GRID2: variants seen among roughly 807,000 people sequenced by gnomAD.
GRID2 encodes the protein glutamate ionotropic receptor delta type subunit 2, also known as glutamate receptor ionotropic, delta-2.
GRID2 carries 33 observed loss-of-function variants against 114.8 expected under a neutral mutation model. That is an observed-to-expected ratio of 0.29 (90% CI 0.22 to 0.38). The LOEUF (loss-of-function observed/expected upper bound fraction) is 0.38. Ranked by LOEUF, GRID2 falls within the 10% of genes least tolerant of loss-of-function variation. The pLI, the probability that GRID2 is intolerant of heterozygous loss-of-function variation, is 1.00. For synonymous variants in GRID2, 505 were observed against 449.9 expected, an observed-to-expected ratio of 1.12 and a Z score of -1.55; for missense variants, 1,184 against 1,257.7, an observed-to-expected ratio of 0.94 and a Z score of 0.89.
At chr4:92,766,928 C>G (rs1338495158) in intron 2 of GRID2, among the ~76,000 whole-genome samples, 2 of 152,124 alleles carry the variant, frequency 1.3e-5, no homozygotes, top group East Asian at 1.9e-4. Flanking sequence ...AGAAGGGAAC[C>G]CAGGTGATTT....
At chr4:92,768,331 A>G (rs1430551360) in intron 2 of GRID2, among the ~76,000 whole-genome samples, 1 of 152,138 alleles carries the variant, frequency 6.6e-6, no homozygotes, top group Non-Finnish European at 1.5e-5. Flanking sequence ...TTACTTTTCA[A>G]AGTTGCCATC....
intron 4 of GRID2, among the ~76,000 whole-genome samples, chr4:93,115,402 G>GACACACACACACACACACGCACAC (rs1733147210): frequency 6.9e-6 from 1 of 144,474 alleles, no homozygotes; most frequent in African/African-American, 2.6e-5. Context: ...AGTATATACA[G>GACACACACACACACACACGCACAC]ACACACACAC....
At chr4:93,030,649 T>G (rs1724327045) in intron 2 of GRID2, among the ~76,000 whole-genome samples, 1 of 151,914 alleles carries the variant, frequency 6.6e-6, no homozygotes, top group Admixed American at 6.6e-5. Flanking sequence ...CCTCCCAAAG[T>G]GCGGGGATTA....
At chr4:92,880,783 G>A (rs1745946596) in intron 2 of GRID2, among the ~76,000 whole-genome samples, 2 of 151,896 alleles carry the variant, frequency 1.3e-5, no homozygotes, top group African/African-American at 2.4e-5. Context: ...GTGCAATGAC[G>A]CTATCTTGGC....
Position 93,609,253 on chromosome 4 carries a change from G to T in GRID2, c.2194-17016G>T, listed in dbSNP as rs1365626559. Among the ~76,000 whole-genome samples the T allele has an allele frequency of 2.2e-4, 18 of 80,950 alleles. 3 individuals are homozygous for T. The highest frequency in any genetic ancestry group is 7.1e-4 in the South Asian group (2 of 2,828). 53.1% of individuals were successfully genotyped at this position (80,950 alleles called of 152,430 possible). A position where few individuals can be genotyped will look rare whatever the true frequency, so the allele number is the denominator to read the frequency against. ...GTAGGTTGCAAAAATTTTCTCCCAT[G>T]TTGTAGGTTGCCTGTTCACTCTGAT... On this transcript the variant is annotated intron_variant, in intron 13 of 15. Coordinates refer to ENST00000282020, the MANE Select transcript of GRID2 (RefSeq NM_001510.4).
At chr4:93,794,555 C>G (rs895367465) in intron 1 of GRID2, among the ~76,000 whole-genome samples, 1 of 152,028 alleles carries the variant, frequency 6.6e-6, no homozygotes, top group South Asian at 2.1e-4. Context: ...TATTTATGCC[C>G]GAGGATGGGG....
intron 11 of GRID2, among the ~76,000 whole-genome samples, chr4:93,476,335 A>G (rs1445870836): frequency 1.3e-5 from 2 of 152,168 alleles, no homozygotes; most frequent in Non-Finnish European, 2.9e-5. Context: ...GGGATGATAT[A>G]TAAATTGTCT....
chr4:93,664,474 G>T (rs994204482), intron 14 of GRID2, among the ~76,000 whole-genome samples: 1 of 152,220 alleles, frequency 6.6e-6, no homozygotes, highest in South Asian at 2.1e-4. Flanking sequence ...GCAATGTGAA[G>T]TATGTGAAGT....
At chr4:92,945,674 ATGATTACT>A (rs1751570784) in intron 2 of GRID2, among the ~76,000 whole-genome samples, 1 of 152,178 alleles carries the variant, frequency 6.6e-6, no homozygotes, top group Non-Finnish European at 1.5e-5. Flanking sequence ...TTTTTCCCAA[ATGATTACT>A]TGAAAAATAA....
intron 1 of GRID2, among the ~76,000 whole-genome samples, chr4:92,362,034 A>G (rs1728642310): frequency 6.6e-6 from 1 of 152,030 alleles, no homozygotes; most frequent in Non-Finnish European, 1.5e-5. Context: ...CCAGATGGAA[A>G]AATATGAGGT....
At chr4:93,627,026 A>G (rs980191103) in intron 14 of GRID2, among the ~76,000 whole-genome samples, 2 of 152,200 alleles carry the variant, frequency 1.3e-5, no homozygotes, top group African/African-American at 4.8e-5. Flanking sequence ...ATGATGAAGG[A>G]GTTGTTTACA....
chr4:93,741,683 C>T (rs986483391), intron 14 of GRID2, among the ~76,000 whole-genome samples: 3 of 152,106 alleles, frequency 2.0e-5, no homozygotes, highest in Non-Finnish European at 4.4e-5. Context: ...ATCCCAACAA[C>T]TTGGGAGGCC....
At chr4:92,611,090 ATATG>A (rs778865813) in intron 2 of GRID2, among the ~76,000 whole-genome samples, 1 of 136,010 alleles carries the variant, frequency 7.4e-6, no homozygotes, top group Non-Finnish European at 1.7e-5. Context: ...GTGTGTATAT[ATATG>A]TGTGTGTGTA....
At chr4:93,316,339 AGAAGGAAG>A (rs1553907447) in intron 8 of GRID2, among the ~76,000 whole-genome samples, 1 of 54,960 alleles carries the variant, frequency 1.8e-5, no homozygotes, top group African/African-American at 6.0e-5. Context: ...AAAGAAAGAA[AGAAGGAAG>A]GAAGGAAGGA....
At chr4:92,483,468 T>C (rs1157691031) in intron 1 of GRID2, among the ~76,000 whole-genome samples, 1 of 152,182 alleles carries the variant, frequency 6.6e-6, no homozygotes, top group Non-Finnish European at 1.5e-5. Context: ...TGATGTCATG[T>C]TTTATCAGTT....
intron 2 of GRID2, among the ~76,000 whole-genome samples, chr4:92,802,484 T>C (rs558111538): frequency 6.6e-6 from 1 of 151,998 alleles, no homozygotes; most frequent in East Asian, 1.9e-4. Flanking sequence ...TTGCTAGTTG[T>C]ACTTTTTGCA....
intron 1 of GRID2, among the ~76,000 whole-genome samples, chr4:92,532,452 A>T (rs1393141303): frequency 5.3e-5 from 8 of 152,194 alleles, no homozygotes; most frequent in Admixed American, 5.2e-4. Flanking sequence ...ACAACACAAC[A>T]TATATAATCA....
At chr4:93,634,348 G>A (rs1721221274) in intron 14 of GRID2, among the ~76,000 whole-genome samples, 1 of 152,106 alleles carries the variant, frequency 6.6e-6, no homozygotes, top group African/African-American at 2.4e-5. Flanking sequence ...TTGAAAGGAT[G>A]ATGAGAAGGA....
chr4:93,224,776 G>T lies in GRID2; in HGVS notation c.1125+1G>T. The stretch of plus-strand genomic sequence containing the variant: ...CTCCATGTTGGAGACCATCAAGAAG[G>T]TAACTTCTTAATTTTCATGTAAAAA... On this transcript the variant is annotated splice_donor_variant, in intron 7 of 15. Coordinates refer to ENST00000282020, the MANE Select transcript of GRID2 (RefSeq NM_001510.4). LOFTEE classifies it high-confidence loss of function. The T allele has an allele frequency of 6.3e-7, 1 of 1,594,630 alleles. No individual in the cohort carries two copies. The highest frequency in any genetic ancestry group is 8.6e-7 in the Non-Finnish European group (1 of 1,166,116).
Sources: gnomAD v4.1 joint callset for allele counts (sites outside exome capture counted in the v4.1 genomes callset) on GRCh38, gnomAD v4.1.1 for gene constraint, MANE v1.5 for transcripts, NCBI Gene and HGNC (gene_info 2026-07-23, HGNC 2026-07-21) for gene names.